SGO2: variants seen among roughly 807,000 people sequenced by gnomAD.
SGO2 encodes the protein shugoshin-like 2.
Under a neutral mutation model 99.5 loss-of-function variants are expected in SGO2, and 68 were observed. The ratio of observed to expected loss-of-function variants is 0.68; its 90% CI spans 0.56 to 0.84. SGO2 has a LOEUF of 0.84. Among genes scored for constraint, SGO2 ranks in the 40% least tolerant of loss-of-function variants. The pLI, the probability that SGO2 is intolerant of heterozygous loss-of-function variation, is 0.00. For synonymous variants in SGO2, 457 were observed against 487.1 expected (o/e 0.94, Z 0.81); for missense variants, 1,350 against 1,436.7 (o/e 0.94, Z 0.97).
intron 5 of SGO2, chr2:200,543,628 A>T (rs1049305358): frequency 3.3e-5 from 5 of 152,230 alleles, no homozygotes; most frequent in Admixed American, 2.6e-4. Context: ...TATTTACTGT[A>T]TCACTTTCAA....
At chr2:200,545,807 G>T (rs527920040) in intron 5 of SGO2, among the ~76,000 whole-genome samples, 2 of 152,314 alleles carry the variant, frequency 1.3e-5, no homozygotes, top group Admixed American at 1.3e-4. Flanking sequence ...ACCTTCTTCA[G>T]TTCCCTGTCA....
chr2:200,544,173 T>C (rs2032099171), intron 5 of SGO2, among the ~76,000 whole-genome samples: 1 of 152,254 alleles, frequency 6.6e-6, no homozygotes, highest in African/African-American at 2.4e-5. Flanking sequence ...TCCATATTGC[T>C]GTATGTAGTT....
chr2:200,556,384 T>C (rs960271007), intron 5 of SGO2, among the ~76,000 whole-genome samples: 1 of 152,192 alleles, frequency 6.6e-6, no homozygotes, highest in African/African-American at 2.4e-5. Context: ...CGCTTTTGAA[T>C]TTTACCAAAG....
At chr2:200,557,784 A>G (rs950125209) in intron 5 of SGO2, among the ~76,000 whole-genome samples, 3 of 150,452 alleles carry the variant, frequency 2.0e-5, no homozygotes, top group African/African-American at 7.4e-5. Flanking sequence ...CTCCTAATAT[A>G]TAGCTTTTCT....
intron 2 of SGO2, among the ~76,000 whole-genome samples, chr2:200,533,547 G>GTGTGTTTGTGTGTGTGTA (rs1396628320): frequency 1.4e-5 from 2 of 142,952 alleles, no homozygotes; most frequent in Admixed American, 7.1e-5. Flanking sequence ...GTGTGTGTGT[G>GTGTGTTTGTGTGTGTGTA]TATACATGTG....
At chr2:200,536,281 C>A in intron 4 of SGO2, 139 bp downstream of exon 4, 1 of 465,416 alleles carries the variant, frequency 2.1e-6, no homozygotes, top group Admixed American at 3.5e-5. Context: ...TTTTAACTGG[C>A]TAACAGCATA....
intron 8 of SGO2, among the ~76,000 whole-genome samples, chr2:200,577,855 A>G (rs2106352031): frequency 6.6e-6 from 1 of 152,132 alleles, no homozygotes; most frequent in South Asian, 2.1e-4. Context: ...AGGCTTCATC[A>G]TGTCAGTGTG....
chr2:200,560,611 A>G (rs938675688), intron 5 of SGO2, among the ~76,000 whole-genome samples: 3 of 152,134 alleles, frequency 2.0e-5, no homozygotes, highest in Non-Finnish European at 4.4e-5. Flanking sequence ...TCCTAAAAAA[A>G]AATTCCACTT....
chr2:200,535,547 G>A (rs1189843531), intron 3 of SGO2, among the ~76,000 whole-genome samples: 1 of 152,062 alleles, frequency 6.6e-6, no homozygotes, highest in Non-Finnish European at 1.5e-5. Context: ...CATTTACCTG[G>A]CTACAAGCTA....
chr2:200,552,285 T>C (rs2032523635), intron 5 of SGO2, among the ~76,000 whole-genome samples: 1 of 152,228 alleles, frequency 6.6e-6, no homozygotes, highest in Non-Finnish European at 1.5e-5. Flanking sequence ...AACTCCTACC[T>C]CAGCCTCCTG....
chr2:200,539,754 T>C (rs571258836), intron 4 of SGO2, among the ~76,000 whole-genome samples: 13 of 152,106 alleles, frequency 8.5e-5, no homozygotes, highest in Non-Finnish European at 1.6e-4. Context: ...CTCTATCAAG[T>C]TTGGAAAAAT....
chr2:200,575,423 G>GT lies in SGO2; in HGVS notation c.3745dup (p.Cys1249LeufsTer7). ...CAGAACGGACAAGCAGAAGAAGAAGGTGTACTCCTTTCTATTTTAAAGAGC... is the reference window on the plus strand; with the variant it reads ...CAGAACGGACAAGCAGAAGAAGAAGGTTGTACTCCTTTCTATTTTAAAGAGC... On this transcript the variant is annotated frameshift_variant, in exon 8 of 9. Transcript: ENST00000357799. LOFTEE classifies it high-confidence loss of function. The GT allele has an allele frequency of 6.3e-7, 1 of 1,597,972 alleles. No individual in the cohort carries two copies. The highest frequency in any genetic ancestry group is 8.6e-7 in the Non-Finnish European group (1 of 1,169,202).
At position 200,572,694 on chromosome 2, in the gene SGO2, A is replaced by C. The variant is rs754570603; in HGVS notation, c.2348A>C (p.Gln783Pro). The C allele has an allele frequency of 2.7e-5, 43 of 1,612,114 alleles. No individual in the cohort carries two copies. Among genetic ancestry groups the C allele is most frequent in the Non-Finnish European group, 3.6e-5 (43 of 1,179,284 alleles). Residue 783 changes from glutamine (Q) to proline (P), a missense_variant, in exon 7 of 9, where the codon CAA becomes CCA. Coordinates refer to ENST00000357799, the MANE Select transcript of SGO2 (RefSeq NM_152524.6). ...DSGNLYDSEI[Q>P]NVLGVKHGHD... ...GGAAACCTGTATGATTCTGAGATTC[A>C]AAATGTTTTGGGGGTGAAACATGGC...
intron 5 of SGO2, among the ~76,000 whole-genome samples, chr2:200,548,375 G>A (rs1477417753): frequency 6.6e-6 from 1 of 151,884 alleles, no homozygotes; most frequent in Non-Finnish European, 1.5e-5. Flanking sequence ...GCAACCAATG[G>A]GTCAAAGAAG....
At position 200,571,754 on chromosome 2, in the gene SGO2, C is replaced by G; in HGVS notation, c.1408C>G (p.Leu470Val). The change falls in exon 7 of 9, where the codon CTA becomes GTA. Residue 470 changes from leucine (L) to valine (V), a missense_variant. Leu to Val is a conservative substitution (Grantham distance 32, BLOSUM62 1). Transcript: ENST00000357799. ...MNEQLAQVNE[L>V]KKMTLQTGFE... ...TGAACAGCTGGCTCAGGTGAATGAA[C>G]TAAAGAAAATGACCCTTCAAACTGG... 6.2e-7 allele frequency: 1 copy of G among 1,613,546 alleles called. No homozygotes were observed. The highest frequency in any genetic ancestry group is 8.5e-7 in the Non-Finnish European group (1 of 1,179,662).
chr2:200,535,301 A>C lies in SGO2; in HGVS notation c.309+130A>C, dbSNP rs577237319. 3 of 762,536 alleles carry C rather than the reference A, an allele frequency of 3.9e-6. No individual in the cohort carries two copies. The African/African-American group carries it at 5.6e-5, about 14-fold the overall frequency. The allele number at this position is 762,536 out of a possible 1,614,324, so 47.2% of individuals were successfully genotyped here. On this transcript the variant is annotated intron_variant, in intron 3 of 8. Transcript: ENST00000357799. ...ATTATTGAAAGTCAGTATACCATGT[A>C]AGTCTATGTCAAAGTACAAACTGTT...
intron 5 of SGO2, 188 bp downstream of exon 5, chr2:200,542,852 TC>T: frequency 2.4e-6 from 1 of 412,862 alleles, no homozygotes. Context: ...TTACGGTCAA[TC>T]CCCCAACCAG....
intron 3 of SGO2, among the ~76,000 whole-genome samples, chr2:200,535,694 A>G (rs1196004906): frequency 6.6e-6 from 1 of 152,076 alleles, no homozygotes. Flanking sequence ...TTTATAATGG[A>G]AAAAGGACCT....
chr2:200,575,576 A>T, intron 8 of SGO2, 115 bp downstream of exon 8: 2 of 701,842 alleles, frequency 2.8e-6, no homozygotes, highest in South Asian at 2.8e-5. Context: ...TATTATTGAT[A>T]TGTAACAACC....
Sources: allele counts gnomAD v4.1 joint callset (sites outside exome capture counted in the v4.1 genomes callset), GRCh38; gene constraint gnomAD v4.1.1; transcripts MANE v1.5; gene names NCBI Gene and HGNC (gene_info 2026-07-23, HGNC 2026-07-21).